Variants in FIGN observed in about 807,000 individuals in gnomAD.
The protein encoded by FIGN is fidgetin, microtubule severing factor.
In FIGN, 11 loss-of-function variants were observed where a neutral mutation model predicts 51.3. The observed-to-expected ratio is 0.21, with a 90% CI of 0.13 to 0.35. FIGN has a LOEUF of 0.35. FIGN is among the 10% of genes least tolerant of loss of function. The pLI, the probability that FIGN is intolerant of heterozygous loss-of-function variation, is 1.00. For synonymous variants in FIGN, 407 were observed against 363.2 expected, an observed-to-expected ratio of 1.12 and a Z score of -1.37; for missense variants, 857 against 943.6, an observed-to-expected ratio of 0.91 and a Z score of 1.20.
chr2:163,710,340 G>T (rs991413049), intron 2 of FIGN, among the ~76,000 whole-genome samples: 1 of 152,172 alleles, frequency 6.6e-6, no homozygotes, highest in Non-Finnish European at 1.5e-5. Flanking sequence ...CACTTTCGTG[G>T]AAATTATGAA....
At chr2:163,658,089 AC>A (rs1683591190) in intron 2 of FIGN, among the ~76,000 whole-genome samples, 1 of 152,070 alleles carries the variant, frequency 6.6e-6, no homozygotes. Flanking sequence ...TAATGCCACA[AC>A]TCTGTTTTTT....
chr2:163,674,973 T>C (rs1382494415), intron 2 of FIGN, among the ~76,000 whole-genome samples: 2 of 152,198 alleles, frequency 1.3e-5, no homozygotes, highest in Non-Finnish European at 2.9e-5. Flanking sequence ...AAATTTAAAG[T>C]AACATCTAAA....
chr2:163,610,689 C>G lies in FIGN; in HGVS notation c.1143G>C (p.Gln381His), dbSNP rs762497517. 1 of 1,614,228 alleles carries G rather than the reference C, an allele frequency of 6.2e-7. No individual in the cohort carries two copies. The highest frequency in any genetic ancestry group is 1.7e-5 in the Admixed American group (1 of 60,030). The change falls in exon 3 of 3, where the codon CAG becomes CAC. Residue 381 changes from glutamine to histidine, a missense_variant. Gln to His is a conservative substitution (Grantham distance 24). Around this residue, in one of 3 missense-constraint regions of FIGN, gnomAD observed 799 missense variants for 849.5 expected, o/e 0.94. Coordinates refer to ENST00000333129, the MANE Select transcript of FIGN (RefSeq NM_018086.4). ...TCCTTTGCTGTTCAGAGGACATTAG[C>G]TGCTTCGTTGGCTTAAATGCTAAGG... ...TSSLAFKPTKQLMSSEQQRKF... is the reference protein window; with the variant it reads ...TSSLAFKPTKHLMSSEQQRKF...
At chr2:163,642,565 A>G (rs1573921641) in intron 2 of FIGN, among the ~76,000 whole-genome samples, 4 of 152,270 alleles carry the variant, frequency 2.6e-5, no homozygotes, top group Admixed American at 2.6e-4. Context: ...CCTAGAACCT[A>G]TAAAACACTG....
At chr2:163,636,505 G>A (rs1209161057) in intron 2 of FIGN, among the ~76,000 whole-genome samples, 3 of 151,932 alleles carry the variant, frequency 2.0e-5, no homozygotes, top group Non-Finnish European at 2.9e-5. Context: ...GGCTGGTCTC[G>A]AACTCCCAAC....
At chr2:163,689,418 T>C (rs1432931223) in intron 2 of FIGN, among the ~76,000 whole-genome samples, 2 of 152,132 alleles carry the variant, frequency 1.3e-5, no homozygotes, top group African/African-American at 4.8e-5. Flanking sequence ...TCTCAATATT[T>C]TATCTATACC....
At chr2:163,670,703 A>G (rs192810334) in intron 2 of FIGN, among the ~76,000 whole-genome samples, 106 of 152,340 alleles carry the variant, frequency 7.0e-4, no homozygotes, top group African/African-American at 2.5e-3. Flanking sequence ...TCACCTCACC[A>G]ACTTATTAAA....
chr2:163,668,014 A>AACC lies in FIGN; in HGVS notation c.26-56209_26-56208insGGT, dbSNP rs1491089658. On this transcript the variant is annotated intron_variant, in intron 2 of 2. Coordinates refer to ENST00000333129, the MANE Select transcript of FIGN (RefSeq NM_018086.4). ...AGGAAAGAGAACACCCCTACCTCCA[A>AACC]CCCCCCCCCCCAAAAAACCCTCCAC... 9.7e-4 allele frequency among the ~76,000 whole-genome samples: 104 copies of AACC among 106,852 alleles called. 1 individual carries two copies. Among genetic ancestry groups the AACC allele is most frequent in the African/African-American group, 1.3e-3 (33 of 24,532 alleles). The allele number at this position is 106,852 out of a possible 152,430, so 70.1% of individuals were successfully genotyped here.
intron 2 of FIGN, among the ~76,000 whole-genome samples, chr2:163,725,491 A>G (rs545986247): frequency 1.3e-5 from 2 of 152,236 alleles, no homozygotes; most frequent in East Asian, 3.9e-4. Context: ...ATCATATATC[A>G]GCAACACCTC....
At chr2:163,695,357 A>G (rs978170548) in intron 2 of FIGN, among the ~76,000 whole-genome samples, 5 of 152,090 alleles carry the variant, frequency 3.3e-5, no homozygotes, top group African/African-American at 9.7e-5. Context: ...CCTAATGCCC[A>G]TCTGCATCTC....
chr2:163,606,612 C>A lies in FIGN; in HGVS notation c.*2940G>T, dbSNP rs1326688147. On this transcript the variant is annotated 3_prime_UTR_variant, in exon 3 of 3. Coordinates refer to ENST00000333129, the MANE Select transcript of FIGN (RefSeq NM_018086.4). ...TTCTGAGGATGTGGTACCCCACCCCCACTCCAAGTTCCAGAATAGATGGTC... is the reference window on the plus strand; with the variant it reads ...TTCTGAGGATGTGGTACCCCACCCCAACTCCAAGTTCCAGAATAGATGGTC... 6.6e-6 allele frequency: 1 copy of A among 152,296 alleles called. No individual in the cohort carries two copies. The highest frequency in any genetic ancestry group is 2.4e-5 in the African/African-American group (1 of 41,470). The allele number at this position is 152,296 out of a possible 1,614,324, so 9.4% of individuals were successfully genotyped here.
In FIGN at chr2:163,702,857, T is replaced by C. The variant is rs1051522799; in HGVS notation, c.25+32046A>G. 5.3e-5 allele frequency among the ~76,000 whole-genome samples: 8 copies of C among 152,100 alleles called. No homozygotes were observed. The South Asian group carries it at 1.0e-3, about 20-fold the overall frequency. ...ATGACAAGACAATATCTTTCTATAA[T>C]AAAATGGTAATAAAAAGAGTACCAA... On this transcript the variant is annotated intron_variant, in intron 2 of 2. Transcript: ENST00000333129.
intron 2 of FIGN, among the ~76,000 whole-genome samples, chr2:163,614,475 T>C (rs1682835760): frequency 6.6e-6 from 1 of 152,176 alleles, no homozygotes; most frequent in Non-Finnish European, 1.5e-5. Context: ...AATTCATTAG[T>C]CCTGTAAATT....
intron 2 of FIGN, among the ~76,000 whole-genome samples, chr2:163,633,552 GA>G (rs1683180553): frequency 6.6e-6 from 1 of 152,164 alleles, no homozygotes; most frequent in Non-Finnish European, 1.5e-5. Context: ...TTGCTGCCTA[GA>G]GGATTTCCAG....
At chr2:163,618,292 T>C (rs1682910789) in intron 2 of FIGN, among the ~76,000 whole-genome samples, 1 of 152,180 alleles carries the variant, frequency 6.6e-6, no homozygotes, top group South Asian at 2.1e-4. Flanking sequence ...TCTAATTATA[T>C]AACAATACTG....
At position 163,604,993 on chromosome 2, in the gene FIGN, A is replaced by T. The variant is rs1373027682; in HGVS notation, c.*4559T>A. 1 of 116,996 alleles carries T rather than the reference A, an allele frequency of 8.5e-6. No individual in the cohort carries two copies. The highest frequency in any genetic ancestry group is 1.6e-5 in the Non-Finnish European group (1 of 61,512). The allele number at this position is 116,996 out of a possible 1,614,324, so 7.2% of individuals were successfully genotyped here. On this transcript the variant is annotated 3_prime_UTR_variant, in exon 3 of 3. Coordinates refer to ENST00000333129, the MANE Select transcript of FIGN (RefSeq NM_018086.4). ...AACAAGAAGGAATGAATGTGCTCCCAACCTTGGTGTACTACAGAACCATTT... is the reference window on the plus strand; with the variant it reads ...AACAAGAAGGAATGAATGTGCTCCCTACCTTGGTGTACTACAGAACCATTT...
rs568367453 is a variant in FIGN at position 163,682,066 on chromosome 2, C to T, written c.25+52837G>A. Among the ~76,000 whole-genome samples the T allele has an allele frequency of 2.0e-5, 3 of 152,222 alleles. No individual in the cohort carries two copies. In the South Asian group the frequency reaches 6.2e-4, roughly 32 times the overall value. On this transcript the variant is annotated intron_variant, in intron 2 of 2. Transcript: ENST00000333129. ...ACCAAGACTGCGAATACTCAGAGAC[C>T]TCAGGACAAAAATTCTGGCAGACAC...
chr2:163,639,130 AT>A (rs1683269489), intron 2 of FIGN, among the ~76,000 whole-genome samples: 1 of 152,080 alleles, frequency 6.6e-6, no homozygotes, highest in Non-Finnish European at 1.5e-5. Context: ...ATATATTTAA[AT>A]TTTTTTCAAT....
At chr2:163,630,910 C>A (rs1683135883) in intron 2 of FIGN, among the ~76,000 whole-genome samples, 3 of 152,148 alleles carry the variant, frequency 2.0e-5, no homozygotes, top group Non-Finnish European at 4.4e-5. Context: ...TCATCATACT[C>A]CTCTCAGCCC....
Sources: allele counts gnomAD v4.1 joint callset (sites outside exome capture counted in the v4.1 genomes callset), GRCh38; gene constraint gnomAD v4.1.1; regional missense constraint gnomAD v4.1.1; transcripts MANE v1.5; gene names NCBI Gene and HGNC (gene_info 2026-07-23, HGNC 2026-07-21).